The following AKAP19 variants were observed in gnomAD, a reference collection of about 807,000 sequenced individuals.
AKAP19 encodes A-kinase anchoring protein 19.
chr2:190,192,629 T>C, the AKAP19 span, among the ~76,000 whole-genome samples: 1 of 152,124 alleles, frequency 6.6e-6, no homozygotes, highest in African/African-American at 2.4e-5. Flanking sequence ...ACTAAGAATA[T>C]TGTCTTTCAG....
chr2:190,143,367 C>T, the AKAP19 span, among the ~76,000 whole-genome samples: 1 of 151,622 alleles, frequency 6.6e-6, no homozygotes, highest in Non-Finnish European at 1.5e-5. Flanking sequence ...TTGAAATGTC[C>T]CCTCTTTCCA....
chr2:190,060,079 G>A, the AKAP19 span: 4 of 1,612,088 alleles, frequency 2.5e-6, no homozygotes, highest in African/African-American at 1.3e-5. Flanking sequence ...TCTTCTCCTG[G>A]TCCTGGGAAG....
At chr2:190,132,663 C>A in the AKAP19 span, among the ~76,000 whole-genome samples, 1 of 151,942 alleles carries the variant, frequency 6.6e-6, no homozygotes, top group South Asian at 2.1e-4. Context: ...AAACATAAGA[C>A]CTGAAACTGT....
the AKAP19 span, among the ~76,000 whole-genome samples, chr2:190,168,954 G>A: frequency 6.6e-6 from 1 of 152,138 alleles, no homozygotes; most frequent in Non-Finnish European, 1.5e-5. Context: ...TTCCAAAGTT[G>A]CTTCCACATT....
the AKAP19 span, among the ~76,000 whole-genome samples, chr2:190,096,878 G>A: frequency 6.6e-6 from 1 of 152,144 alleles, no homozygotes; most frequent in East Asian, 1.9e-4. Context: ...AGACAGAAAG[G>A]CGAGAGACAG....
chr2:190,041,670 T>C, the AKAP19 span, among the ~76,000 whole-genome samples: 1 of 152,232 alleles, frequency 6.6e-6, no homozygotes, highest in African/African-American at 2.4e-5. Flanking sequence ...ATGGCTCTTA[T>C]TATTTTGAGG....
the AKAP19 span, among the ~76,000 whole-genome samples, chr2:189,986,418 C>T: frequency 7.1e-6 from 1 of 139,948 alleles, no homozygotes; most frequent in East Asian, 2.1e-4. Flanking sequence ...AAAAGAAAAA[C>T]AAAAAAAAAA....
At chr2:190,030,793 G>A in the AKAP19 span, among the ~76,000 whole-genome samples, 1 of 152,154 alleles carries the variant, frequency 6.6e-6, no homozygotes, top group Admixed American at 6.5e-5. Context: ...ATATGTATTT[G>A]GAGACACAGA....
chr2:189,885,143 A>C, the AKAP19 span, among the ~76,000 whole-genome samples: 7 of 152,294 alleles, frequency 4.6e-5, 1 homozygote. Flanking sequence ...CCCCCCATGA[A>C]GAGGTGGGAT....
the AKAP19 span, among the ~76,000 whole-genome samples, chr2:190,117,709 G>A: frequency 2.0e-5 from 3 of 152,292 alleles, no homozygotes; most frequent in South Asian, 2.1e-4. Context: ...AATAAACTTC[G>A]CTTGCATAAA....
At chr2:190,055,681 A>G in the AKAP19 span, 4 of 152,158 alleles carry the variant, frequency 2.6e-5, no homozygotes, top group African/African-American at 9.7e-5. Flanking sequence ...AGAATTAATC[A>G]TTAGAATAAA....
chr2:190,030,953 C>T, the AKAP19 span, among the ~76,000 whole-genome samples: 31 of 152,282 alleles, frequency 2.0e-4, no homozygotes, highest in African/African-American at 5.5e-4. Context: ...TGGTGATGGA[C>T]TAGATTTAGA....
At chr2:190,064,133 G>T in the AKAP19 span, among the ~76,000 whole-genome samples, 2 of 151,980 alleles carry the variant, frequency 1.3e-5, no homozygotes, top group Non-Finnish European at 2.9e-5. Context: ...AGCCTGAAAA[G>T]TTAATGCATT....
the AKAP19 span, among the ~76,000 whole-genome samples, chr2:190,174,266 T>C: frequency 8.5e-5 from 13 of 152,172 alleles, no homozygotes; most frequent in Admixed American, 3.9e-4. Flanking sequence ...CTGAGAAAAC[T>C]TTTGCCTGAG....
the AKAP19 span, among the ~76,000 whole-genome samples, chr2:189,912,019 C>A: frequency 5.8e-3 from 880 of 151,968 alleles, 12 homozygotes; most frequent in African/African-American, 0.02. Flanking sequence ...CCAGTTATGG[C>A]AACAATTGAA....
At chr2:189,998,132 TCA>T in the AKAP19 span, among the ~76,000 whole-genome samples, 2 of 152,218 alleles carry the variant, frequency 1.3e-5, no homozygotes, top group Non-Finnish European at 2.9e-5. Context: ...CTTTGGAAAG[TCA>T]CAGTTTTTTG....
At chr2:189,919,219 G>A in the AKAP19 span, among the ~76,000 whole-genome samples, 1 of 152,110 alleles carries the variant, frequency 6.6e-6, no homozygotes, top group African/African-American at 2.4e-5. Flanking sequence ...GAAAGCAGAC[G>A]AGTAGTTGCC....
At chr2:189,890,481 T>C in the AKAP19 span, among the ~76,000 whole-genome samples, 1 of 152,162 alleles carries the variant, frequency 6.6e-6, no homozygotes, top group Non-Finnish European at 1.5e-5. Flanking sequence ...CCTTGTTAAT[T>C]TTCTGTCTTG....
the AKAP19 span, among the ~76,000 whole-genome samples, chr2:190,160,588 A>G: frequency 4.6e-5 from 7 of 152,226 alleles, no homozygotes; most frequent in African/African-American, 1.7e-4. Flanking sequence ...ATATTGGGAT[A>G]TAATTCTTTC....
Sources: allele counts gnomAD v4.1 joint callset (sites outside exome capture counted in the v4.1 genomes callset), GRCh38; gene constraint gnomAD v4.1.1; transcripts MANE v1.5; gene names NCBI Gene and HGNC (gene_info 2026-07-23, HGNC 2026-07-21).